The following TMEM233 variants were observed in gnomAD, a reference collection of about 807,000 sequenced individuals.
TMEM233 encodes transmembrane protein 233.
Under a neutral mutation model 11.2 loss-of-function variants are expected in TMEM233, and 6 were observed. That is an observed-to-expected ratio of 0.54 (90% CI 0.29 to 1.06). TMEM233 has a LOEUF of 1.06. TMEM233 is among the 50% of genes least tolerant of loss of function. The pLI, the probability that TMEM233 is intolerant of heterozygous loss-of-function variation, is 0.08. For synonymous variants in TMEM233, 59 were observed against 55.8 expected, an observed-to-expected ratio of 1.06 and a Z score of -0.26; for missense variants, 127 against 144.7, an observed-to-expected ratio of 0.88 and a Z score of 0.63.
chr12:119,605,068 A>C (rs546817839), intron 1 of TMEM233, among the ~76,000 whole-genome samples: 1 of 147,514 alleles, frequency 6.8e-6, no homozygotes, highest in African/African-American at 2.5e-5. Context: ...TTTGTATCAT[A>C]TCTTCTATTC....
At position 119,595,703 on chromosome 12, in the gene TMEM233, C is replaced by CA. The variant is rs1368157265; in HGVS notation, c.186+1673dup. On this transcript the variant is annotated intron_variant, in intron 1 of 2. Transcript: ENST00000426426. The surrounding 1 kb of genome is among the most constrained non-coding windows in gnomAD (Gnocchi z 4.3). ...AACAGTGACCAGCACGGTATCTTTA[C>CA]AAAATCTTTACTCAAATGTCACTTC... Among the ~76,000 whole-genome samples, 5 of 152,140 alleles carry CA rather than the reference C, an allele frequency of 3.3e-5. No individual in the cohort carries two copies. The highest frequency in any genetic ancestry group is 1.3e-4 in the Admixed American group (2 of 15,280).
At chr12:119,633,383 C>G (rs1440963596) in intron 2 of TMEM233, among the ~76,000 whole-genome samples, 1 of 151,960 alleles carries the variant, frequency 6.6e-6, no homozygotes, top group Non-Finnish European at 1.5e-5. Context: ...AGTTCCTTGA[C>G]CAGCCTGGGC....
chr12:119,638,769 G>C (rs892869042), intron 2 of TMEM233, among the ~76,000 whole-genome samples: 1 of 152,122 alleles, frequency 6.6e-6, no homozygotes, highest in Non-Finnish European at 1.5e-5. Context: ...AGGTGCCCTG[G>C]TTCATACCTG....
chr12:119,647,045 G>A (rs7978806), downstream of TMEM233, among the ~76,000 whole-genome samples: 993 of 152,186 alleles, frequency 6.5e-3, 15 homozygotes, highest in African/African-American at 0.023. Flanking sequence ...GACCACCCAC[G>A]GAATTAAAAC....
chr12:119,594,098 G>A lies in TMEM233; in HGVS notation c.186+64G>A, dbSNP rs1825740848. 1 of 1,500,862 alleles carries A rather than the reference G, an allele frequency of 6.7e-7. No homozygotes were observed. The highest frequency in any genetic ancestry group is 9.0e-7 in the Non-Finnish European group (1 of 1,112,002). The allele number at this position is 1,500,862 out of a possible 1,614,324, so 93.0% of individuals were successfully genotyped here. A position where few individuals can be genotyped will look rare whatever the true frequency, so the allele number is the denominator to read the frequency against. On this transcript the variant is annotated intron_variant, in intron 1 of 2. Coordinates refer to ENST00000426426, the MANE Select transcript of TMEM233 (RefSeq NM_001136534.3). The surrounding 1 kb of genome is among the most constrained non-coding windows in gnomAD (Gnocchi z 5.6). Reference sequence around the variant, plus strand: ...ACCCGGGCGGCTTTGAGCCCCTGCAGGGGAGTCCGCGCGCTCTCTGCGGCT... The same window carrying A: ...ACCCGGGCGGCTTTGAGCCCCTGCAAGGGAGTCCGCGCGCTCTCTGCGGCT...
At chr12:119,626,914 C>G (rs1954778514) in intron 1 of TMEM233, among the ~76,000 whole-genome samples, 1 of 152,162 alleles carries the variant, frequency 6.6e-6, no homozygotes, top group South Asian at 2.1e-4. Context: ...GTACTAGAAA[C>G]AAGGATGATA....
rs75085148 is a variant in TMEM233 at position 119,620,561 on chromosome 12, A to G, written c.187-9175A>G. ...TGACCACTTAAATGAACTACTAGGA[A>G]GCCTTAAAAAGAATAAGAGAACCAT... On this transcript the variant is annotated intron_variant, in intron 1 of 2. Transcript: ENST00000426426. Among the ~76,000 whole-genome samples the G allele has an allele frequency of 3.8e-3, 574 of 152,366 alleles. 3 individuals carry two copies. Among genetic ancestry groups the G allele is most frequent in the African/African-American group, 0.013 (561 of 41,588 alleles).
downstream of TMEM233, among the ~76,000 whole-genome samples, chr12:119,648,052 T>C (rs1449194504): frequency 1.3e-5 from 2 of 152,060 alleles, no homozygotes; most frequent in African/African-American, 4.8e-5. Flanking sequence ...GTTTCCTCCA[T>C]TCATAACACC....
At chr12:119,636,617 C>G (rs988579023) in intron 2 of TMEM233, among the ~76,000 whole-genome samples, 10 of 152,178 alleles carry the variant, frequency 6.6e-5, no homozygotes, top group African/African-American at 2.2e-4. Flanking sequence ...CCACACCCAG[C>G]TCTTTTCATC....
At chr12:119,650,581 G>A in the TMEM233 span, among the ~76,000 whole-genome samples, 8 of 151,764 alleles carry the variant, frequency 5.3e-5, no homozygotes, top group Non-Finnish European at 1.2e-4. Flanking sequence ...TTTTACGGCC[G>A]ATTTGCATTA....
At chr12:119,606,824 G>A (rs4767832) in intron 1 of TMEM233, among the ~76,000 whole-genome samples, 118,116 of 152,190 alleles carry the variant, frequency 0.78, 45,983 homozygotes, top group Middle Eastern at 0.85. Flanking sequence ...TATTGTTGCC[G>A]TAAATGTAAA....
intron 1 of TMEM233, among the ~76,000 whole-genome samples, chr12:119,606,238 A>G (rs77994967): frequency 0.014 from 2,058 of 152,288 alleles, 41 homozygotes; most frequent in African/African-American, 0.046. Flanking sequence ...GGAAAAAAGT[A>G]TCAGACTATG....
intron 1 of TMEM233, among the ~76,000 whole-genome samples, chr12:119,622,423 G>T (rs1954662091): frequency 6.6e-6 from 1 of 152,128 alleles, no homozygotes; most frequent in African/African-American, 2.4e-5. Flanking sequence ...ATCTAAAGCT[G>T]CCCTGTTTCT....
At chr12:119,653,846 A>C in the TMEM233 span, among the ~76,000 whole-genome samples, 3 of 152,098 alleles carry the variant, frequency 2.0e-5, no homozygotes, top group Admixed American at 2.0e-4. Context: ...TCTACCATAT[A>C]TGTAATTAGA....
chr12:119,650,783 C>A, the TMEM233 span, among the ~76,000 whole-genome samples: 1 of 152,224 alleles, frequency 6.6e-6, no homozygotes, highest in Admixed American at 6.5e-5. Flanking sequence ...GCTGGGATTA[C>A]AGGCATGAGC....
chr12:119,614,554 C>T (rs1954483505), intron 1 of TMEM233, among the ~76,000 whole-genome samples: 1 of 152,164 alleles, frequency 6.6e-6, no homozygotes, highest in Admixed American at 6.5e-5. Flanking sequence ...AGTCATCTAC[C>T]TGGTGCTGTG....
Position 119,642,067 on chromosome 12 carries a change from T to C in TMEM233, c.*1362T>C, listed in dbSNP as rs1262857089. On this transcript the variant is annotated 3_prime_UTR_variant, in exon 3 of 3. Coordinates refer to ENST00000426426, the MANE Select transcript of TMEM233 (RefSeq NM_001136534.3). The stretch of plus-strand genomic sequence containing the variant: ...AGAAAAACAAGAGAACTCAAGAAAA[T>C]ATCAAGTAATTAACACACCAGATAA... 1 of 152,126 alleles carries C rather than the reference T, an allele frequency of 6.6e-6. No individual in the cohort carries two copies. Among genetic ancestry groups the C allele is most frequent in the East Asian group, 1.9e-4 (1 of 5,200 alleles). The allele number at this position is 152,126 out of a possible 1,614,324, so 9.4% of individuals were successfully genotyped here.
At chr12:119,616,161 C>G (rs1954527355) in intron 1 of TMEM233, among the ~76,000 whole-genome samples, 1 of 152,234 alleles carries the variant, frequency 6.6e-6, no homozygotes, top group South Asian at 2.1e-4. Context: ...TTCAAGGCAT[C>G]TGGTCAAGAC....
At chr12:119,647,215 T>G (rs1236976055), downstream of TMEM233, among the ~76,000 whole-genome samples, 2 of 152,200 alleles carry the variant, frequency 1.3e-5, no homozygotes, top group Non-Finnish European at 2.9e-5. Flanking sequence ...CAAACTTTTT[T>G]TGTGTGTCCT....
Sources: gnomAD v4.1 joint callset for allele counts (sites outside exome capture counted in the v4.1 genomes callset) on GRCh38, gnomAD v4.1.1 for gene constraint, Gnocchi (gnomAD v3.1) non-coding constraint, MANE v1.5 for transcripts, NCBI Gene and HGNC (gene_info 2026-07-23, HGNC 2026-07-21) for gene names.